Variants in ERBB4 observed in about 807,000 individuals in gnomAD.
The protein encoded by ERBB4 is erb-b2 receptor tyrosine kinase 4.
In ERBB4, 42 loss-of-function variants were observed where a neutral mutation model predicts 158.0. The ratio of observed to expected loss-of-function variants is 0.27; its 90% CI spans 0.21 to 0.34. The LOEUF is 0.34. Ranked by LOEUF, ERBB4 falls within the 10% of genes least tolerant of loss-of-function variation. The pLI is 1.00. For missense variants in ERBB4, 1,333 were observed against 1,624.1 expected (o/e 0.82, Z 3.08); for synonymous variants, 583 against 558.7 (o/e 1.04, Z -0.61).
At chr2:212,066,670 A>G (rs2077957770) in intron 2 of ERBB4, among the ~76,000 whole-genome samples, 1 of 151,972 alleles carries the variant, frequency 6.6e-6, no homozygotes, top group Non-Finnish European at 1.5e-5. Context: ...TTCCTTGTCA[A>G]TTGTGTAACT....
intron 1 of ERBB4, among the ~76,000 whole-genome samples, chr2:212,343,496 T>C (rs759074951): frequency 2.0e-5 from 3 of 152,124 alleles, no homozygotes; most frequent in Non-Finnish European, 2.9e-5. Context: ...AACATACAAC[T>C]CTAAATGCAT....
intron 2 of ERBB4, among the ~76,000 whole-genome samples, chr2:212,008,161 G>A (rs2076299083): frequency 6.6e-6 from 1 of 151,914 alleles, no homozygotes; most frequent in Admixed American, 6.6e-5. Context: ...AACTTTAATT[G>A]TATTCATTTA....
At position 211,725,876 on chromosome 2, in the gene ERBB4, AG is replaced by A. The variant is rs1387106640; in HGVS notation, c.623-683del. Among the ~76,000 whole-genome samples, 4 of 152,222 alleles carry A rather than the reference AG, an allele frequency of 2.6e-5. No homozygotes were observed. In the East Asian group the frequency reaches 7.7e-4, roughly 29 times the overall value. On this transcript the variant is annotated intron_variant, in intron 5 of 27. Transcript: ENST00000342788. ...AAAGGAGGAAGGAAAGAAAAAAGGA[AG>A]GAAAGAAAGCCATTAATAGTAAACA... is the stretch of plus-strand genomic sequence containing the variant.
chr2:212,268,638 A>G (rs1409180639), intron 1 of ERBB4, among the ~76,000 whole-genome samples: 1 of 151,866 alleles, frequency 6.6e-6, no homozygotes, highest in African/African-American at 2.4e-5. Context: ...AGGCCATATA[A>G]TGTCTGTCAA....
chr2:212,359,437 T>C (rs1240936440), intron 1 of ERBB4, among the ~76,000 whole-genome samples: 2 of 148,548 alleles, frequency 1.3e-5, no homozygotes, highest in Non-Finnish European at 3.0e-5. Context: ...CAATAAAATC[T>C]ATTTCAAATT....
intron 20 of ERBB4, among the ~76,000 whole-genome samples, chr2:211,510,283 T>A (rs1574638097): frequency 6.6e-6 from 1 of 151,908 alleles, no homozygotes; most frequent in African/African-American, 2.4e-5. Flanking sequence ...CACATAAAGA[T>A]GGAAATAATA....
chr2:212,319,425 A>G (rs1317023909), intron 1 of ERBB4, among the ~76,000 whole-genome samples: 1 of 149,942 alleles, frequency 6.7e-6, no homozygotes, highest in Non-Finnish European at 1.5e-5. Flanking sequence ...TCTTGCTTTG[A>G]GGTTAAATTT....
At chr2:211,818,287 G>A (rs1407797879) in intron 3 of ERBB4, among the ~76,000 whole-genome samples, 2 of 152,134 alleles carry the variant, frequency 1.3e-5, no homozygotes, top group Admixed American at 1.3e-4. Context: ...TCTAGAGCCT[G>A]TTGGTGCAGA....
chr2:212,064,440 G>C (rs750591842), intron 2 of ERBB4, among the ~76,000 whole-genome samples: 1 of 152,122 alleles, frequency 6.6e-6, no homozygotes, highest in Non-Finnish European at 1.5e-5. Flanking sequence ...CTGCTTGAAG[G>C]ATGGAAAAGA....
At position 211,863,295 on chromosome 2, in the gene ERBB4, C is replaced by T. The variant is rs540733372; in HGVS notation, c.422-75136G>A. On this transcript the variant is annotated intron_variant, in intron 3 of 27. Transcript: ENST00000342788. ...GCTCTCTGTAAAATGGACCAATCAG[C>T]ACTCTGTAAAATGGACCAATCAGCA... Among the ~76,000 whole-genome samples the T allele has an allele frequency of 5.3e-5, 8 of 152,274 alleles. No homozygotes were observed. The South Asian group carries it at 1.7e-3, about 32-fold the overall frequency.
chr2:211,916,243 G>A lies in ERBB4; in HGVS notation c.421+31187C>T, dbSNP rs374260935. Among the ~76,000 whole-genome samples the A allele has an allele frequency of 1.8e-4, 28 of 151,926 alleles. No individual in the cohort carries two copies. The East Asian group carries it at 3.3e-3, about 18-fold the overall frequency. ...CACCCAGGCTGGAGTGTGGTGGTGCGGTATCAGCTCACTGCAACCTCTGTC... is the reference window on the plus strand; with the variant it reads ...CACCCAGGCTGGAGTGTGGTGGTGCAGTATCAGCTCACTGCAACCTCTGTC... On this transcript the variant is annotated intron_variant, in intron 3 of 27. Coordinates refer to ENST00000342788, the MANE Select transcript of ERBB4 (RefSeq NM_005235.3).
intron 1 of ERBB4, among the ~76,000 whole-genome samples, chr2:212,444,747 C>T (rs1271539167): frequency 6.6e-6 from 1 of 152,134 alleles, no homozygotes; most frequent in Non-Finnish European, 1.5e-5. Context: ...GACCTGGCTA[C>T]AGCCACTGCT....
intron 1 of ERBB4, among the ~76,000 whole-genome samples, chr2:212,413,134 A>ATTTTTTTTTTTTTTTTTT (rs370397826): frequency 4.0e-5 from 4 of 101,214 alleles, no homozygotes; most frequent in African/African-American, 4.0e-5. Flanking sequence ...TGCGTGGCTA[A>ATTTTTTTTTTTTTTTTTT]TTTTTTTTTT....
intron 1 of ERBB4, among the ~76,000 whole-genome samples, chr2:212,391,681 TTA>T (rs1174369120): frequency 1.2e-3 from 150 of 128,522 alleles, no homozygotes; most frequent in Middle Eastern, 7.6e-3. Context: ...TTTATATATA[TTA>T]TATATATTAT....
chr2:212,467,157 AG>A (rs1188095608), intron 1 of ERBB4, among the ~76,000 whole-genome samples: 4 of 152,228 alleles, frequency 2.6e-5, no homozygotes, highest in African/African-American at 4.8e-5. Context: ...AGAGTATAAA[AG>A]TTTGGAAAAT....
At chr2:212,267,208 A>T (rs1004884407) in intron 1 of ERBB4, among the ~76,000 whole-genome samples, 1 of 152,054 alleles carries the variant, frequency 6.6e-6, no homozygotes, top group Non-Finnish European at 1.5e-5. Flanking sequence ...GTGAACATGC[A>T]TTTCAATAAA....
intron 2 of ERBB4, among the ~76,000 whole-genome samples, chr2:212,120,143 G>A (rs542457686): frequency 1.4e-4 from 22 of 152,208 alleles, no homozygotes; most frequent in Admixed American, 8.5e-4. Context: ...GGTAAATATT[G>A]CTTTTTTCTA....
chr2:212,315,618 C>T (rs75211185), intron 1 of ERBB4, among the ~76,000 whole-genome samples: 5,274 of 151,346 alleles, frequency 0.035, 294 homozygotes, highest in African/African-American at 0.12. Flanking sequence ...GCAACTTTTC[C>T]GGAGCTATAC....
chr2:212,397,844 A>G (rs1481351790), intron 1 of ERBB4, among the ~76,000 whole-genome samples: 1 of 152,134 alleles, frequency 6.6e-6, no homozygotes, highest in Admixed American at 6.6e-5. Context: ...AAATGTATCA[A>G]CTAATGTTTC....
Sources: gnomAD v4.1 joint callset for allele counts (sites outside exome capture counted in the v4.1 genomes callset) on GRCh38, gnomAD v4.1.1 for gene constraint, MANE v1.5 for transcripts, NCBI Gene and HGNC (gene_info 2026-07-23, HGNC 2026-07-21) for gene names.